The following SKIC3 variants were observed in gnomAD, a reference collection of about 807,000 sequenced individuals.
SKIC3 encodes the protein SKI3 subunit of superkiller complex, also known as superkiller complex protein 3.
the SKIC3 span, chr5:95,540,602 T>G: frequency 2.6e-6 from 4 of 1,523,660 alleles, no homozygotes; most frequent in East Asian, 9.0e-5. Context: ...GAAATTAAAA[T>G]GACAATGATC....
chr5:95,493,426 C>G, the SKIC3 span, among the ~76,000 whole-genome samples: 1 of 152,100 alleles, frequency 6.6e-6, no homozygotes, highest in Non-Finnish European at 1.5e-5. Context: ...GCTAATAGAT[C>G]TTTTATCATT....
At chr5:95,525,383 T>C in the SKIC3 span, 3 of 1,611,356 alleles carry the variant, frequency 1.9e-6, no homozygotes, top group Non-Finnish European at 2.5e-6. Context: ...CTATGAGCAA[T>C]TTATATATCC....
chr5:95,506,678 C>T, the SKIC3 span, among the ~76,000 whole-genome samples: 1 of 152,190 alleles, frequency 6.6e-6, no homozygotes, highest in Non-Finnish European at 1.5e-5. Context: ...CTGTTAGAGA[C>T]AGTCACTACC....
At chr5:95,536,883 T>C in the SKIC3 span, 3 of 1,613,738 alleles carry the variant, frequency 1.9e-6, no homozygotes, top group Non-Finnish European at 2.5e-6. Flanking sequence ...ATGTTTATCA[T>C]TCCTTCACAG....
the SKIC3 span, among the ~76,000 whole-genome samples, chr5:95,553,974 ACT>A: frequency 6.6e-6 from 1 of 152,110 alleles, no homozygotes; most frequent in Non-Finnish European, 1.5e-5. Flanking sequence ...TACGGCACAG[ACT>A]CTTCAATTTT....
At chr5:95,484,620 T>C in the SKIC3 span, 1 of 1,518,764 alleles carries the variant, frequency 6.6e-7, no homozygotes, top group Non-Finnish European at 9.1e-7. Flanking sequence ...GTGCCAGGAA[T>C]ACAGGAGTGA....
At chr5:95,478,156 G>T in the SKIC3 span, 1 of 998,558 alleles carries the variant, frequency 1.0e-6, no homozygotes, top group Non-Finnish European at 1.5e-6. Context: ...AAAATACAAA[G>T]TGTATCAAGA....
chr5:95,537,172 T>A, the SKIC3 span: 1 of 1,558,364 alleles, frequency 6.4e-7, no homozygotes, highest in South Asian at 1.1e-5. Context: ...ATCATCTGTA[T>A]CATACTTAAA....
the SKIC3 span, among the ~76,000 whole-genome samples, chr5:95,507,946 A>G: frequency 3.3e-5 from 5 of 151,538 alleles, no homozygotes; most frequent in Non-Finnish European, 5.9e-5. Flanking sequence ...AAAAAAAAAT[A>G]GCAAACACCC....
At chr5:95,466,666 C>T in the SKIC3 span, among the ~76,000 whole-genome samples, 1 of 152,194 alleles carries the variant, frequency 6.6e-6, no homozygotes, top group East Asian at 1.9e-4. Flanking sequence ...ACAATTCATG[C>T]ATGGACATTC....
the SKIC3 span, chr5:95,516,605 G>A: frequency 1.3e-5 from 21 of 1,613,022 alleles, no homozygotes; most frequent in Non-Finnish European, 1.7e-5. Flanking sequence ...TACAAAACCT[G>A]ATGAAACTGA....
the SKIC3 span, among the ~76,000 whole-genome samples, chr5:95,465,310 T>C: frequency 0.24 from 36,649 of 152,074 alleles, 5,774 homozygotes; most frequent in African/African-American, 0.44. Context: ...ACCTCTAAAC[T>C]CTTACTCAAA....
chr5:95,509,726 C>G, the SKIC3 span: 1 of 1,306,000 alleles, frequency 7.7e-7, no homozygotes, highest in South Asian at 1.2e-5. Context: ...AATATGCCTA[C>G]TGATGGTATT....
the SKIC3 span, chr5:95,498,374 G>T: frequency 6.2e-7 from 1 of 1,614,116 alleles, no homozygotes; most frequent in South Asian, 1.1e-5. Context: ...ATTTACCTGT[G>T]AACAGCTTTA....
At chr5:95,474,178 T>C in the SKIC3 span, among the ~76,000 whole-genome samples, 8 of 152,310 alleles carry the variant, frequency 5.3e-5, no homozygotes, top group African/African-American at 9.6e-5. Context: ...CCTTTCTCCA[T>C]TGCTTATTTT....
chr5:95,493,441 A>G, the SKIC3 span, among the ~76,000 whole-genome samples: 3 of 152,160 alleles, frequency 2.0e-5, no homozygotes, highest in Non-Finnish European at 4.4e-5. Context: ...ATCATTCTGG[A>G]TCCATGATAA....
At chr5:95,513,149 A>C in the SKIC3 span, 2 of 185,594 alleles carry the variant, frequency 1.1e-5, no homozygotes, top group South Asian at 1.1e-4. Flanking sequence ...GTTTCTAAGA[A>C]AGAATAAAGA....
At chr5:95,536,097 G>A in the SKIC3 span, among the ~76,000 whole-genome samples, 5 of 152,158 alleles carry the variant, frequency 3.3e-5, no homozygotes, top group Non-Finnish European at 7.3e-5. Flanking sequence ...CTGGACACAA[G>A]ACTTCCACAG....
chr5:95,505,113 A>T, the SKIC3 span, among the ~76,000 whole-genome samples: 1 of 152,232 alleles, frequency 6.6e-6, no homozygotes, highest in Non-Finnish European at 1.5e-5. Context: ...AGGAACTTGT[A>T]TAAGCTCAAC....
Sources: gnomAD v4.1 joint callset for allele counts (sites outside exome capture counted in the v4.1 genomes callset) on GRCh38, gnomAD v4.1.1 for gene constraint, MANE v1.5 for transcripts, NCBI Gene and HGNC (gene_info 2026-07-23, HGNC 2026-07-21) for gene names.